PDE7A: variants seen among roughly 807,000 people sequenced by gnomAD.
PDE7A encodes high affinity 3',5'-cyclic-AMP phosphodiesterase 7A.
Under a neutral mutation model 64.3 loss-of-function variants are expected in PDE7A, and 39 were observed. That is an observed-to-expected ratio of 0.61 (90% CI 0.47 to 0.79). PDE7A has a LOEUF of 0.79. PDE7A is among the 30% of genes least tolerant of loss of function. The pLI, the probability that PDE7A is intolerant of heterozygous loss-of-function variation, is 0.00. For synonymous variants in PDE7A, 203 were observed against 206.8 expected (o/e 0.98, Z 0.16); for missense variants, 470 against 582.8 (o/e 0.81, Z 1.99).
At chr8:65,819,569 G>T (rs527353588) in intron 1 of PDE7A, among the ~76,000 whole-genome samples, 1 of 152,248 alleles carries the variant, frequency 6.6e-6, no homozygotes, top group African/African-American at 2.4e-5. Context: ...AAAAATTAAA[G>T]CAATGTAAGT....
chr8:65,725,397 G>T, intron 9 of PDE7A: 1 of 154,818 alleles, frequency 6.5e-6, no homozygotes, highest in African/African-American at 2.4e-5. Flanking sequence ...CAGACATTCT[G>T]ACTAAGATGC....
At chr8:65,732,516 G>C (rs984062438) in intron 7 of PDE7A, among the ~76,000 whole-genome samples, 46 of 152,002 alleles carry the variant, frequency 3.0e-4, no homozygotes, top group African/African-American at 1.0e-3. Flanking sequence ...CAATCTTCAG[G>C]CATCTATCTA....
chr8:65,764,263 A>G (rs1032255235), intron 3 of PDE7A, among the ~76,000 whole-genome samples: 1 of 152,236 alleles, frequency 6.6e-6, no homozygotes. Flanking sequence ...AAACAACCTG[A>G]TATGACTTCA....
intron 3 of PDE7A, among the ~76,000 whole-genome samples, chr8:65,771,924 G>C (rs972326296): frequency 6.8e-6 from 1 of 147,306 alleles, no homozygotes; most frequent in Non-Finnish European, 1.5e-5. Context: ...GAAGAAAGAA[G>C]GAAATATCCT....
intron 3 of PDE7A, among the ~76,000 whole-genome samples, chr8:65,749,963 C>T (rs879347511): frequency 2.6e-5 from 4 of 152,156 alleles, no homozygotes; most frequent in Non-Finnish European, 5.9e-5. Flanking sequence ...AAGTATATAA[C>T]GGACTCTTCT....
At chr8:65,767,024 A>ACAACAACAACAACAT (rs1328477565) in intron 3 of PDE7A, among the ~76,000 whole-genome samples, 1 of 152,088 alleles carries the variant, frequency 6.6e-6, no homozygotes, top group African/African-American at 2.4e-5. Flanking sequence ...AACAACAACA[A>ACAACAACAACAACAT]CAACAACAAC....
At chr8:65,832,321 T>C (rs1244538260) in intron 1 of PDE7A, among the ~76,000 whole-genome samples, 1 of 152,014 alleles carries the variant, frequency 6.6e-6, no homozygotes, top group Non-Finnish European at 1.5e-5. Context: ...TATAATCTAC[T>C]TCATCATTTG....
At chr8:65,779,384 T>C (rs1046576560) in intron 3 of PDE7A, among the ~76,000 whole-genome samples, 1 of 152,100 alleles carries the variant, frequency 6.6e-6, no homozygotes, top group Non-Finnish European at 1.5e-5. Flanking sequence ...TTATAAAATA[T>C]CATTTGCACA....
intron 1 of PDE7A, among the ~76,000 whole-genome samples, chr8:65,787,982 G>C (rs530525321): frequency 6.6e-6 from 1 of 152,232 alleles, no homozygotes; most frequent in African/African-American, 2.4e-5. Context: ...TTTTCTTTAA[G>C]AGATTTCTTC....
intron 1 of PDE7A, among the ~76,000 whole-genome samples, chr8:65,827,918 C>G (rs1810719649): frequency 6.6e-6 from 1 of 152,134 alleles, no homozygotes; most frequent in African/African-American, 2.4e-5. Flanking sequence ...TTTTAACAGA[C>G]TATACCTCTG....
chr8:65,773,632 T>C (rs1809174452), intron 3 of PDE7A, among the ~76,000 whole-genome samples: 1 of 152,260 alleles, frequency 6.6e-6, no homozygotes, highest in Non-Finnish European at 1.5e-5. Flanking sequence ...TTAAAAGGAA[T>C]ATTTAACCCA....
chr8:65,802,533 T>G (rs772800754), intron 1 of PDE7A, among the ~76,000 whole-genome samples: 1 of 152,068 alleles, frequency 6.6e-6, no homozygotes, highest in African/African-American at 2.4e-5. Flanking sequence ...AACTACGGAG[T>G]CTTCATACAA....
rs537940390 is a variant in PDE7A at position 65,800,648 on chromosome 8, G to GTT, written c.139-17807_139-17806dup. Among the ~76,000 whole-genome samples, 195 of 152,232 alleles carry GTT rather than the reference G, an allele frequency of 1.3e-3. 1 individual carries two copies. In the South Asian group the frequency reaches 0.029, roughly 23 times the overall value. On this transcript the variant is annotated intron_variant, in intron 1 of 12. Transcript: ENST00000401827. Reference sequence around the variant, plus strand: ...TACTGTGCCAGGTGAGTAGGCCCTAGTTTGGTTCTATAACATTCTCTCTCA... The same window carrying GTT: ...TACTGTGCCAGGTGAGTAGGCCCTAGTTTTTGGTTCTATAACATTCTCTCTCA...
In PDE7A at chr8:65,747,791, A is replaced by G. The variant is rs1275467815; in HGVS notation, c.296T>C (p.Ile99Thr). 5.6e-6 allele frequency: 9 copies of G among 1,604,154 alleles called. No individual in the cohort carries two copies. Among genetic ancestry groups the G allele is most frequent in the Non-Finnish European group, 6.0e-6 (7 of 1,174,154 alleles). The change falls in exon 4 of 13, where the codon ATT becomes ACT. Residue 99 changes from isoleucine to threonine, a missense_variant. Coordinates refer to ENST00000401827, the MANE Select transcript of PDE7A (RefSeq NM_001242318.3). ...ATTCCTTGCAGAGACAGACACTTCA[A>G]TTTCAGATTGAGCTGAAATAAAAAG... The part of the protein sequence containing the change: ...DFRIFHSQSE[I>T]EVSVSARNIR...
chr8:65,832,602 A>G (rs528892807), intron 1 of PDE7A, among the ~76,000 whole-genome samples: 1 of 152,290 alleles, frequency 6.6e-6, no homozygotes, highest in East Asian at 1.9e-4. Context: ...CTCCCACCAC[A>G]GCCTCCAGCT....
At chr8:65,752,597 A>G (rs1177808301) in intron 3 of PDE7A, among the ~76,000 whole-genome samples, 2 of 152,214 alleles carry the variant, frequency 1.3e-5, no homozygotes, top group African/African-American at 2.4e-5. Flanking sequence ...TTCTCTTTAA[A>G]GGCCAATTAC....
chr8:65,766,439 C>T (rs375271721), intron 3 of PDE7A, among the ~76,000 whole-genome samples: 11 of 152,172 alleles, frequency 7.2e-5, no homozygotes, highest in Admixed American at 2.0e-4. Flanking sequence ...AAACAAGGAG[C>T]CTCCTGGTTA....
intron 1 of PDE7A, among the ~76,000 whole-genome samples, chr8:65,805,899 A>C (rs987096343): frequency 6.6e-5 from 10 of 152,224 alleles, no homozygotes. Flanking sequence ...TTTAAAACTT[A>C]TATGAGTCTT....
chr8:65,761,687 T>C (rs1054569743), intron 3 of PDE7A, among the ~76,000 whole-genome samples: 1 of 152,250 alleles, frequency 6.6e-6, no homozygotes, highest in African/African-American at 2.4e-5. Flanking sequence ...ATGAACACTG[T>C]GACTTAGTGA....
Sources: allele counts gnomAD v4.1 joint callset (sites outside exome capture counted in the v4.1 genomes callset), GRCh38; gene constraint gnomAD v4.1.1; transcripts MANE v1.5; gene names NCBI Gene and HGNC (gene_info 2026-07-23, HGNC 2026-07-21).